The following ITPKB variants were observed in gnomAD, a reference collection of about 807,000 sequenced individuals.
ITPKB encodes the protein inositol-trisphosphate 3-kinase B, also known as IP3 3-kinase B.
ITPKB carries 13 observed loss-of-function variants against 69.4 expected under a neutral mutation model. That is an observed-to-expected ratio of 0.19 (90% CI 0.12 to 0.30). The LOEUF is 0.30. ITPKB is among the 10% of genes least tolerant of loss of function. The probability of loss-of-function intolerance (pLI) is 1.00; values close to 1 mark genes in which losing one functional copy is unlikely to be tolerated. For missense variants in ITPKB, 1,240 were observed against 1,250.5 expected, an observed-to-expected ratio of 0.99 and a Z score of 0.13; for synonymous variants, 584 against 513.7, an observed-to-expected ratio of 1.14 and a Z score of -1.85.
In ITPKB at chr1:226,737,597, G is replaced by C. The variant is rs1292177273; in HGVS notation, c.-139C>G. 4.3e-6 allele frequency: 5 copies of C among 1,169,296 alleles called. No individual in the cohort carries two copies. Among genetic ancestry groups the C allele is most frequent in the Non-Finnish European group, 5.3e-6 (5 of 949,970 alleles). 72.4% of individuals were successfully genotyped at this position (1,169,296 alleles called of 1,614,324 possible). A position where few individuals can be genotyped will look rare whatever the true frequency, so the allele number is the denominator to read the frequency against. ...GCGCGCAGATGGGGCGGCATGGCCT[G>C]GGCAGCGGGCTGGGGGCACGACCGC... On this transcript the variant is annotated 5_prime_UTR_variant, in exon 2 of 8. Coordinates refer to ENST00000429204, the MANE Select transcript of ITPKB (RefSeq NM_002221.4).
In ITPKB at chr1:226,670,940, C is replaced by T. The variant is rs1409209917; in HGVS notation, c.1933-22169G>A. ...CTGTAGCCTGGTTAGTTTGCTTTTA[C>T]AATGTAAAAAATATACAGAACACCA... On this transcript the variant is annotated intron_variant, in intron 2 of 7. Coordinates refer to ENST00000429204, the MANE Select transcript of ITPKB (RefSeq NM_002221.4). 7.2e-5 allele frequency among the ~76,000 whole-genome samples: 11 copies of T among 152,262 alleles called. No individual in the cohort carries two copies. In the East Asian group the frequency reaches 1.5e-3, roughly 21 times the overall value.
chr1:226,723,020 G>T (rs928199974), intron 2 of ITPKB, among the ~76,000 whole-genome samples: 4 of 152,100 alleles, frequency 2.6e-5, no homozygotes, highest in African/African-American at 9.7e-5. Flanking sequence ...AGAGACCAGG[G>T]TTTGGCAGGC....
chr1:226,647,294 C>A lies in ITPKB; in HGVS notation c.2119G>T (p.Val707Leu). The A allele has an allele frequency of 6.2e-7, 1 of 1,614,216 alleles. No homozygotes were observed. ...QRCLDRLMVD[V>L]LRPFVPAYHG... Reference sequence around the variant, plus strand: ...TAGGCAGGTACGAAGGGCCTCAGCACATCCACCATCAGCCGGTCCAGGCAG... The same window carrying A: ...TAGGCAGGTACGAAGGGCCTCAGCAAATCCACCATCAGCCGGTCCAGGCAG... The change falls in exon 4 of 8, where the codon GTG (valine) becomes TTG (leucine). Residue 707 changes from valine (V) to leucine (L), a missense_variant. Val to Leu is a conservative substitution (Grantham distance 32). Coordinates refer to ENST00000429204, the MANE Select transcript of ITPKB (RefSeq NM_002221.4).
At chr1:226,724,175 C>T (rs1657336469) in intron 2 of ITPKB, among the ~76,000 whole-genome samples, 1 of 152,068 alleles carries the variant, frequency 6.6e-6, no homozygotes, top group African/African-American at 2.4e-5. Context: ...GATGTTCAGC[C>T]CACGCCAAGG....
chr1:226,639,420 T>C, intron 6 of ITPKB, 137 bp downstream of exon 6: 1 of 663,064 alleles, frequency 1.5e-6, no homozygotes, highest in East Asian at 2.6e-5. Flanking sequence ...GTGGCCTCTC[T>C]ACAGAGCCCT....
chr1:226,699,212 T>C (rs1283578304), intron 2 of ITPKB, among the ~76,000 whole-genome samples: 13 of 152,244 alleles, frequency 8.5e-5, no homozygotes, highest in Non-Finnish European at 4.4e-5. Flanking sequence ...CAATGCCTCC[T>C]GGTCACATCA....
chr1:226,671,358 A>T lies in ITPKB; in HGVS notation c.1933-22587T>A, dbSNP rs141958807. 1.7e-3 allele frequency among the ~76,000 whole-genome samples: 255 copies of T among 152,382 alleles called. 2 individuals are homozygous for T. Among genetic ancestry groups the T allele is most frequent in the African/African-American group, 6.0e-3 (248 of 41,592 alleles). ...GAGCCCCTGAGGGCAGGGACCGTGG[A>T]ATCCATCTTTGTACTCCTTGCTACA... On this transcript the variant is annotated intron_variant, in intron 2 of 7. Transcript: ENST00000429204.
intron 2 of ITPKB, among the ~76,000 whole-genome samples, chr1:226,708,880 A>G (rs1656875796): frequency 6.6e-6 from 1 of 152,258 alleles, no homozygotes; most frequent in African/African-American, 2.4e-5. Flanking sequence ...TTTCTGATGC[A>G]GGCCTGGCAG....
At chr1:226,674,108 T>A (rs1258992070) in intron 2 of ITPKB, among the ~76,000 whole-genome samples, 2 of 152,188 alleles carry the variant, frequency 1.3e-5, no homozygotes, top group South Asian at 2.1e-4. Context: ...TAGAGTTCCA[T>A]GGATTTTAAA....
At chr1:226,654,347 C>G (rs1357005832) in intron 2 of ITPKB, among the ~76,000 whole-genome samples, 1 of 152,164 alleles carries the variant, frequency 6.6e-6, no homozygotes, top group East Asian at 1.9e-4. Context: ...CAGAGAGAAG[C>G]CTGCCCCAGC....
At chr1:226,709,933 C>G (rs947025952) in intron 2 of ITPKB, among the ~76,000 whole-genome samples, 2 of 152,114 alleles carry the variant, frequency 1.3e-5, no homozygotes, top group Non-Finnish European at 2.9e-5. Context: ...TTTATGGTTC[C>G]CTGTCTAGTA....
intron 2 of ITPKB, among the ~76,000 whole-genome samples, chr1:226,681,042 C>T (rs1006725871): frequency 6.6e-6 from 1 of 152,154 alleles, no homozygotes; most frequent in Non-Finnish European, 1.5e-5. Flanking sequence ...AACTCCCCTC[C>T]CCTCACCTGG....
chr1:226,636,935 G>A (rs1419180686), intron 7 of ITPKB, among the ~76,000 whole-genome samples: 2 of 151,990 alleles, frequency 1.3e-5, no homozygotes, highest in Non-Finnish European at 2.9e-5. Context: ...GCATGTGATT[G>A]ATCTGCATGT....
chr1:226,649,948 C>A (rs1354357712), intron 2 of ITPKB, among the ~76,000 whole-genome samples: 1 of 152,100 alleles, frequency 6.6e-6, no homozygotes. Context: ...AAAATACACC[C>A]GTCCTCAGGG....
intron 2 of ITPKB, among the ~76,000 whole-genome samples, chr1:226,729,212 G>A (rs747389914): frequency 1.3e-5 from 2 of 151,998 alleles, no homozygotes; most frequent in African/African-American, 4.8e-5. Context: ...GGCCAGGCGC[G>A]GTGGCTCACG....
At chr1:226,702,269 C>A (rs1256431242) in intron 2 of ITPKB, among the ~76,000 whole-genome samples, 1 of 151,852 alleles carries the variant, frequency 6.6e-6, no homozygotes, top group South Asian at 2.1e-4. Context: ...TGGTGGTGGG[C>A]GCCTATAATC....
chr1:226,701,902 A>G (rs1656675630), intron 2 of ITPKB, among the ~76,000 whole-genome samples: 1 of 152,136 alleles, frequency 6.6e-6, no homozygotes, highest in Non-Finnish European at 1.5e-5. Flanking sequence ...CTGGTACCAA[A>G]TAGCCATTTC....
At chr1:226,706,885 T>C (rs1656814572) in intron 2 of ITPKB, among the ~76,000 whole-genome samples, 1 of 152,168 alleles carries the variant, frequency 6.6e-6, no homozygotes, top group African/African-American at 2.4e-5. Flanking sequence ...GGTGGCTGGA[T>C]ATGGCCAGCA....
intron 2 of ITPKB, among the ~76,000 whole-genome samples, chr1:226,730,470 A>C (rs1473662245): frequency 6.6e-6 from 1 of 152,192 alleles, no homozygotes; most frequent in Non-Finnish European, 1.5e-5. Context: ...CAGTGAGGAA[A>C]AGAAAAATCA....
Sources: allele counts gnomAD v4.1 joint callset (sites outside exome capture counted in the v4.1 genomes callset), GRCh38; gene constraint gnomAD v4.1.1; transcripts MANE v1.5; gene names NCBI Gene and HGNC (gene_info 2026-07-23, HGNC 2026-07-21).